The following DBT variants were observed in gnomAD, a reference collection of about 807,000 sequenced individuals.
DBT encodes the protein lipoamide acyltransferase component of branched-chain alpha-keto acid dehydrogenase complex, mitochondrial.
Under a neutral mutation model 51.3 loss-of-function variants are expected in DBT, and 40 were observed. That is an observed-to-expected ratio of 0.78 (90% CI 0.61 to 1.02). The LOEUF (loss-of-function observed/expected upper bound fraction) is 1.02. Among genes scored for constraint, DBT ranks in the 50% least tolerant of loss-of-function variants. The pLI is 0.00. For missense variants in DBT, 510 were observed against 580.2 expected, an observed-to-expected ratio of 0.88 and a Z score of 1.24; for synonymous variants, 181 against 190.4, an observed-to-expected ratio of 0.95 and a Z score of 0.41.
Position 100,240,697 on chromosome 1 carries a change from A to G in DBT, c.175+64T>C, listed in dbSNP as rs1664163297. ...TTTAAAAAGTCTCAATCAACTACTA[A>G]AAAATATTACTGAATGAGGTACAAA... On this transcript the variant is annotated intron_variant, in intron 2 of 10. Transcript: ENST00000370132. The G allele has an allele frequency of 2.2e-6, 3 of 1,379,630 alleles. No homozygotes were observed. The South Asian group carries it at 3.6e-5, about 17-fold the overall frequency. The allele number at this position is 1,379,630 out of a possible 1,614,324, so 85.5% of individuals were successfully genotyped here.
At chr1:100,218,871 G>T in intron 4 of DBT, 124 bp from the exon 5 acceptor site, 10 of 636,646 alleles carry the variant, frequency 1.6e-5, no homozygotes, top group East Asian at 3.8e-5. Context: ...TAGTCTAAAT[G>T]TATAAAAGTT....
chr1:100,248,564 C>T (rs906141539), intron 1 of DBT, among the ~76,000 whole-genome samples: 8 of 152,060 alleles, frequency 5.3e-5, no homozygotes, highest in African/African-American at 1.9e-4. Flanking sequence ...GGGAAAAGTG[C>T]AGAGGGCCAA....
chr1:100,196,473 A>C, intron 10 of DBT, 51 bp from the exon 11 acceptor site: 2 of 1,544,934 alleles, frequency 1.3e-6, no homozygotes, highest in Admixed American at 3.6e-5. Context: ...CAAAGAGTAA[A>C]CCTTCACTTG....
rs1468448213 is a variant in DBT at position 100,191,043 on chromosome 1, T to C, written c.*5212A>G. On this transcript the variant is annotated 3_prime_UTR_variant, in exon 11 of 11. Transcript: ENST00000370132. ...ATTCCTGTGGTAAGCCATGGAGTTCTGTTAATCTTCTGTTTGACCAAATAA... is the reference window on the plus strand; with the variant it reads ...ATTCCTGTGGTAAGCCATGGAGTTCCGTTAATCTTCTGTTTGACCAAATAA... The C allele has an allele frequency of 1.3e-5, 2 of 152,270 alleles. No individual in the cohort carries two copies. Among genetic ancestry groups the C allele is most frequent in the Non-Finnish European group, 2.9e-5 (2 of 68,052 alleles). The allele number at this position is 152,270 out of a possible 1,614,324, so 9.4% of individuals were successfully genotyped here. A position where few individuals can be genotyped will look rare whatever the true frequency, so the allele number is the denominator to read the frequency against.
intron 10 of DBT, 131 bp downstream of exon 10, chr1:100,206,099 A>G: frequency 1.5e-6 from 1 of 657,020 alleles, no homozygotes; most frequent in Non-Finnish European, 2.6e-6. Context: ...AAGAAATAAT[A>G]GACTTTCTAA....
At position 100,230,848 on chromosome 1, in the gene DBT, A is replaced by C. The variant is rs146259768; in HGVS notation, c.318T>G (p.Ala106=). 2.1e-5 allele frequency: 33 copies of C among 1,606,480 alleles called. No homozygotes were observed. The African/African-American group carries it at 3.9e-4, about 19-fold the overall frequency. The stretch of plus-strand genomic sequence containing the variant: ...CATAACGACTAGTGATGGTAACAGA[A>C]GCTTTATCACTTTGAACTTCACAGA... ...DSICEVQSDK[A]SVTITSRYDG... is the part of the protein sequence containing the mutation. The change falls in exon 4 of 11, where the codon GCT becomes GCG. Residue 106 remains alanine, a synonymous_variant. Transcript: ENST00000370132.
At position 100,206,230 on chromosome 1, in the gene DBT, C is replaced by T; in HGVS notation, c.1281G>A (p.Lys427=). Residue 427 remains lysine (K), a splice_region_variant and synonymous_variant, in exon 10 of 11, where the codon AAG becomes AAA. Coordinates refer to ENST00000370132, the MANE Select transcript of DBT (RefSeq NM_001918.5). The part of the protein sequence containing the change: ...EVAIGALGSI[K]AIPRFNQKGE... ...TTTTTCAGTTATCTAATACATGTAC[C>T]TTAATTGATCCAAGGGCCCCAATGG... 1.2e-6 allele frequency: 2 copies of T among 1,608,162 alleles called. No homozygotes were observed. The highest frequency in any genetic ancestry group is 1.7e-6 in the Non-Finnish European group (2 of 1,175,568).
At chr1:100,231,361 C>T (rs1180790485) in intron 3 of DBT, among the ~76,000 whole-genome samples, 4 of 152,176 alleles carry the variant, frequency 2.6e-5, no homozygotes, top group Non-Finnish European at 4.4e-5. Flanking sequence ...GGAGTTCTCC[C>T]AGTCTTTCTT....
chr1:100,206,126 TAA>T, intron 10 of DBT, 102 bp downstream of exon 10: 1 of 793,482 alleles, frequency 1.3e-6, no homozygotes, highest in Non-Finnish European at 2.1e-6. Context: ...CTCAGAAACT[TAA>T]AACCTACAAA....
In DBT at chr1:100,218,753, A is replaced by G; in HGVS notation, c.434-6T>C. The stretch of plus-strand genomic sequence containing the variant: ...AACAACATCTTCTTCTGAATCTGGT[A>G]ACAAGGTAAAACTTAACTTCAGTTG... On this transcript the variant is annotated splice_polypyrimidine_tract_variant and splice_region_variant and intron_variant, in intron 4 of 10. Coordinates refer to ENST00000370132, the MANE Select transcript of DBT (RefSeq NM_001918.5). The G allele has an allele frequency of 6.2e-7, 1 of 1,613,434 alleles. No individual in the cohort carries two copies. The highest frequency in any genetic ancestry group is 1.1e-5 in the South Asian group (1 of 90,912).
intron 8 of DBT, among the ~76,000 whole-genome samples, chr1:100,209,972 T>G (rs921600382): frequency 1.3e-5 from 2 of 152,302 alleles, no homozygotes; most frequent in Admixed American, 6.5e-5. Flanking sequence ...CAAATTGAAT[T>G]CAAACTTTTA....
intron 3 of DBT, among the ~76,000 whole-genome samples, chr1:100,231,504 C>T (rs1663554998): frequency 6.6e-6 from 1 of 152,170 alleles, no homozygotes; most frequent in African/African-American, 2.4e-5. Context: ...TGAAATAATA[C>T]ATCTAATTTT....
chr1:100,240,719 C>A (rs764913913), intron 2 of DBT, 42 bp downstream of exon 2: 2 of 1,518,418 alleles, frequency 1.3e-6, no homozygotes, highest in Non-Finnish European at 1.8e-6. Flanking sequence ...GAATGAGGTA[C>A]AAAACATTAT....
intron 8 of DBT, among the ~76,000 whole-genome samples, chr1:100,207,135 A>G (rs1661835438): frequency 6.6e-6 from 1 of 152,178 alleles, no homozygotes; most frequent in Admixed American, 6.5e-5. Context: ...ATTTCCCAAC[A>G]TCGTTAGTGG....
At chr1:100,197,205 A>G (rs1025764265) in intron 10 of DBT, among the ~76,000 whole-genome samples, 2 of 152,216 alleles carry the variant, frequency 1.3e-5, no homozygotes, top group Non-Finnish European at 2.9e-5. Context: ...CTCTTTTTCT[A>G]TACTGATCTC....
rs1056808018 is a variant in DBT, at chr1:100,188,230, TC to T, written c.*8024del. 1.3e-5 allele frequency: 2 copies of T among 152,218 alleles called. No individual in the cohort carries two copies. Among genetic ancestry groups the T allele is most frequent in the African/African-American group, 4.8e-5 (2 of 41,462 alleles). The allele number at this position is 152,218 out of a possible 1,614,324, so 9.4% of individuals were successfully genotyped here. A position where few individuals can be genotyped will look rare whatever the true frequency, so the allele number is the denominator to read the frequency against. On this transcript the variant is annotated 3_prime_UTR_variant, in exon 11 of 11. Transcript: ENST00000370132. ...AATATCTAATGTTTCAAACTGTTAGTCCTGTTCTGATTTATATTCATCCCTG... is the reference window on the plus strand; with the variant it reads ...AATATCTAATGTTTCAAACTGTTAGTCTGTTCTGATTTATATTCATCCCTG...
At position 100,225,042 on chromosome 1, in the gene DBT, A is replaced by AAAATATATGT. The variant is rs59482100; in HGVS notation, c.433+5690_433+5691insACATATATTT. Among the ~76,000 whole-genome samples the AAAATATATGT allele has an allele frequency of 3.7e-4, 17 of 45,624 alleles. 7 individuals carry two copies. Among genetic ancestry groups the AAAATATATGT allele is most frequent in the East Asian group, 2.1e-3 (2 of 936 alleles). The allele number at this position is 45,624 out of a possible 152,430, so 29.9% of individuals were successfully genotyped here. A position where few individuals can be genotyped will look rare whatever the true frequency, so the allele number is the denominator to read the frequency against. The stretch of plus-strand genomic sequence containing the variant: ...CCCCCCAAAAAAAAAAAAAAAAAAA[A>AAAATATATGT]ATATATATATACACACACACACACA... On this transcript the variant is annotated intron_variant, in intron 4 of 10. Transcript: ENST00000370132.
In DBT at chr1:100,192,826, C is replaced by T. The variant is rs1461013023; in HGVS notation, c.*3429G>A. The T allele has an allele frequency of 2.6e-5, 4 of 152,194 alleles. No individual in the cohort carries two copies. The highest frequency in any genetic ancestry group is 6.5e-5 in the Admixed American group (1 of 15,278). 9.4% of individuals were successfully genotyped at this position (152,194 alleles called of 1,614,324 possible). A position where few individuals can be genotyped will look rare whatever the true frequency, so the allele number is the denominator to read the frequency against. ...AGCCTTGATTTTCTTGCTGACCACTCGCAGCAATAATTTTGGCTTCTCCCC... is the reference window on the plus strand; with the variant it reads ...AGCCTTGATTTTCTTGCTGACCACTTGCAGCAATAATTTTGGCTTCTCCCC... On this transcript the variant is annotated 3_prime_UTR_variant, in exon 11 of 11. Transcript: ENST00000370132.
At chr1:100,221,814 AG>A (rs2025587131) in intron 4 of DBT, among the ~76,000 whole-genome samples, 1 of 152,218 alleles carries the variant, frequency 6.6e-6, no homozygotes, top group African/African-American at 2.4e-5. Context: ...ACATTATTTC[AG>A]GTTAACTAAA....
Sources: gnomAD v4.1 joint callset for allele counts (sites outside exome capture counted in the v4.1 genomes callset) on GRCh38, gnomAD v4.1.1 for gene constraint, MANE v1.5 for transcripts, NCBI Gene and HGNC (gene_info 2026-07-23, HGNC 2026-07-21) for gene names.